ANKRD31: variants seen among roughly 807,000 people sequenced by gnomAD.
The protein encoded by ANKRD31 is ankyrin repeat domain-containing protein 31.
A neutral mutation model predicts 186.0 loss-of-function variants in ANKRD31; 147 were observed. That is an observed-to-expected ratio of 0.79 (90% CI 0.69 to 0.91). ANKRD31 has a LOEUF of 0.91. Ranked by LOEUF, ANKRD31 falls within the 40% of genes least tolerant of loss-of-function variation. The pLI is 0.00. For missense variants in ANKRD31, 1,986 were observed against 2,148.8 expected (o/e 0.92, Z 1.50); for synonymous variants, 673 against 736.4 (o/e 0.91, Z 1.39).
intron 22 of ANKRD31, among the ~76,000 whole-genome samples, chr5:75,091,954 T>C (rs1745953850): frequency 1.3e-5 from 2 of 151,962 alleles, no homozygotes; most frequent in African/African-American, 2.4e-5. Flanking sequence ...TGGTTTCACA[T>C]TGGGAGAGGC....
chr5:75,103,294 A>G (rs763826260), intron 22 of ANKRD31, among the ~76,000 whole-genome samples: 10 of 152,180 alleles, frequency 6.6e-5, no homozygotes, highest in South Asian at 2.1e-4. Context: ...CAAAACCACA[A>G]TGAGATACCC....
chr5:75,196,724 G>A (rs1561528104), intron 6 of ANKRD31, among the ~76,000 whole-genome samples: 2 of 151,998 alleles, frequency 1.3e-5, no homozygotes, highest in African/African-American at 2.4e-5. Context: ...AGAAATGAGG[G>A]TACAGTTATG....
intron 20 of ANKRD31, 89 bp downstream of exon 20, chr5:75,112,424 C>A: frequency 1.2e-6 from 1 of 828,732 alleles, no homozygotes; most frequent in Non-Finnish European, 1.8e-6. Flanking sequence ...ACTTTTTCAG[C>A]CTTTGTGAGC....
chr5:75,211,072 T>G (rs925032242), intron 3 of ANKRD31, among the ~76,000 whole-genome samples: 10 of 152,158 alleles, frequency 6.6e-5, no homozygotes, highest in Admixed American at 5.2e-4. Context: ...CTCACACTGT[T>G]GTACAACCAA....
At chr5:75,125,945 T>C (rs563604167) in intron 17 of ANKRD31, among the ~76,000 whole-genome samples, 34 of 152,294 alleles carry the variant, frequency 2.2e-4, no homozygotes, top group Non-Finnish European at 4.1e-4. Context: ...ACTACAATAA[T>C]GACTTAGAGA....
At chr5:75,082,058 C>T (rs1257237833) in intron 24 of ANKRD31, among the ~76,000 whole-genome samples, 3 of 152,202 alleles carry the variant, frequency 2.0e-5, no homozygotes, top group Non-Finnish European at 2.9e-5. Flanking sequence ...AACTTCCCCA[C>T]AGTTATTAAT....
intron 22 of ANKRD31, among the ~76,000 whole-genome samples, chr5:75,096,829 C>T (rs1308353334): frequency 1.5e-5 from 2 of 133,140 alleles, no homozygotes; most frequent in African/African-American, 5.6e-5. Context: ...CACCCCATGA[C>T]AGGCCCCAGT....
intron 3 of ANKRD31, 76 bp downstream of exon 3, chr5:75,222,173 C>T (rs1757340466): frequency 1.6e-5 from 16 of 1,012,298 alleles, no homozygotes; most frequent in Non-Finnish European, 2.2e-5. Context: ...AAAGAATTAT[C>T]ATTAGTAATT....
At chr5:75,152,268 A>G (rs1751889181) in intron 12 of ANKRD31, among the ~76,000 whole-genome samples, 1 of 152,062 alleles carries the variant, frequency 6.6e-6, no homozygotes. Flanking sequence ...ATTTGTATCA[A>G]AGAAGTGACA....
intron 22 of ANKRD31, among the ~76,000 whole-genome samples, chr5:75,100,512 T>C (rs1252033426): frequency 6.6e-6 from 1 of 152,224 alleles, no homozygotes; most frequent in African/African-American, 2.4e-5. Flanking sequence ...TGTCTAATGT[T>C]GACAGTGGGG....
intron 11 of ANKRD31, among the ~76,000 whole-genome samples, chr5:75,165,097 A>G (rs1381257058): frequency 2.6e-5 from 4 of 152,144 alleles, no homozygotes; most frequent in African/African-American, 9.7e-5. Context: ...TTGTGATTCA[A>G]TGTCTTATGC....
chr5:75,114,134 T>A (rs546867699), intron 19 of ANKRD31, among the ~76,000 whole-genome samples: 6 of 152,036 alleles, frequency 3.9e-5, no homozygotes, highest in Non-Finnish European at 8.8e-5. Context: ...TGCTATGTTC[T>A]TTTTTTTCAA....
intron 22 of ANKRD31, among the ~76,000 whole-genome samples, chr5:75,100,699 A>G (rs970202507): frequency 6.6e-6 from 1 of 151,736 alleles, no homozygotes; most frequent in Admixed American, 6.6e-5. Context: ...GTCTCTTTTG[A>G]TCTTTGTTGG....
At chr5:75,116,138 T>G (rs943994645) in intron 19 of ANKRD31, among the ~76,000 whole-genome samples, 2 of 150,636 alleles carry the variant, frequency 1.3e-5, no homozygotes, top group Non-Finnish European at 3.0e-5. Context: ...AAATCATCAT[T>G]CTCAGTAAAC....
At chr5:75,173,321 G>A (rs1283416927) in intron 10 of ANKRD31, among the ~76,000 whole-genome samples, 1 of 152,090 alleles carries the variant, frequency 6.6e-6, no homozygotes, top group African/African-American at 2.4e-5. Context: ...TTGTAAACCA[G>A]CACATGATAA....
At chr5:75,142,636 G>A (rs1444593357) in intron 15 of ANKRD31, among the ~76,000 whole-genome samples, 1 of 151,980 alleles carries the variant, frequency 6.6e-6, no homozygotes, top group Non-Finnish European at 1.5e-5. Context: ...GTCGATTCTT[G>A]ACTATCTGTT....
chr5:75,176,261 A>G (rs1465312602), intron 10 of ANKRD31, among the ~76,000 whole-genome samples: 1 of 152,184 alleles, frequency 6.6e-6, no homozygotes, highest in East Asian at 1.9e-4. Flanking sequence ...GGAGCCCACC[A>G]CAGCTCAAGG....
chr5:75,092,482 TG>T (rs1305916596), intron 22 of ANKRD31, among the ~76,000 whole-genome samples: 2 of 152,110 alleles, frequency 1.3e-5, no homozygotes, highest in African/African-American at 2.4e-5. Flanking sequence ...TTAAGAGCCA[TG>T]GGTGGTCAGG....
intron 4 of ANKRD31, among the ~76,000 whole-genome samples, chr5:75,208,425 C>G (rs992546245): frequency 6.6e-6 from 1 of 152,104 alleles, no homozygotes; most frequent in African/African-American, 2.4e-5. Flanking sequence ...CCTCACCCCC[C>G]ACCCCATTTC....
Sources: gnomAD v4.1 joint callset for allele counts (sites outside exome capture counted in the v4.1 genomes callset) on GRCh38, gnomAD v4.1.1 for gene constraint, MANE v1.5 for transcripts, NCBI Gene and HGNC (gene_info 2026-07-23, HGNC 2026-07-21) for gene names.